FRMPD3: variants seen among roughly 807,000 people sequenced by gnomAD.
The protein encoded by FRMPD3 is FERM and PDZ domain containing 3, also known as FERM and PDZ domain-containing protein 3.
FRMPD3 carries 42 observed loss-of-function variants against 97.9 expected under a neutral mutation model. That is an observed-to-expected ratio of 0.43 (90% CI 0.34 to 0.55). FRMPD3 has a LOEUF of 0.55. Among genes scored for constraint, FRMPD3 ranks in the 20% least tolerant of loss-of-function variants. The probability of loss-of-function intolerance (pLI) is 0.03; values close to 1 mark genes in which losing one functional copy is unlikely to be tolerated. For missense variants in FRMPD3, 1,303 were observed against 1,457.7 expected, an observed-to-expected ratio of 0.89 and a Z score of 1.73; for synonymous variants, 577 against 581.1, an observed-to-expected ratio of 0.99 and a Z score of 0.10.
At position 107,453,661 on chromosome X, in the gene FRMPD3, G is replaced by T. The variant is rs758035632; in HGVS notation, c.-8+3656G>T. Among the ~76,000 whole-genome samples, 5 of 112,059 alleles carry T rather than the reference G, an allele frequency of 4.5e-5. No individual in the cohort carries two copies. In the East Asian group the frequency reaches 1.1e-3, roughly 25 times the overall value. On this transcript the variant is annotated intron_variant, in intron 1 of 14. Transcript: ENST00000683843. ...GAAATCCTGGGGCTAGGGGCAAAGG[G>T]GTAGGGTAGGGAGCAAATCCAGAGA...
intron 1 of FRMPD3, among the ~76,000 whole-genome samples, chrX:107,490,212 G>C (rs1394910157): frequency 1.8e-5 from 2 of 112,036 alleles, no homozygotes; most frequent in South Asian, 3.8e-4. Context: ...TGTTTTGGTA[G>C]CACTACCATG....
intron 1 of FRMPD3, among the ~76,000 whole-genome samples, 178 bp from the exon 2 acceptor site, chrX:107,526,403 CT>C (rs905912068): frequency 9.0e-6 from 1 of 111,494 alleles, no homozygotes; most frequent in African/African-American, 3.3e-5. Flanking sequence ...CTAGATTTCT[CT>C]TTCTCCAATC....
chrX:107,601,719 G>A lies in FRMPD3; in HGVS notation c.3680G>A (p.Arg1227His), dbSNP rs778726589. 2.5e-6 allele frequency: 3 copies of A among 1,209,705 alleles called. No homozygotes were observed. Among genetic ancestry groups the A allele is most frequent in the Admixed American group, 2.2e-5 (1 of 45,903 alleles). ...RNLFSATFPTRQKKETDERQA... is the reference protein window; with the variant it reads ...RNLFSATFPTHQKKETDERQA... ...TTATTCTCTGCCACCTTCCCAACCC[G>A]CCAGAAGAAGGAGACAGATGAGCGG... The change falls in exon 15 of 15, where the codon CGC becomes CAC. Residue 1227 changes from arginine to histidine, a missense_variant. Coordinates refer to ENST00000683843, the MANE Select transcript of FRMPD3 (RefSeq NM_001388459.1).
chrX:107,489,507 G>C (rs951219994), intron 1 of FRMPD3, among the ~76,000 whole-genome samples: 2 of 111,532 alleles, frequency 1.8e-5, no homozygotes, highest in Non-Finnish European at 3.8e-5. Context: ...GTTGTTTCCT[G>C]ACTTTTTAAT....
Position 107,551,268 on chromosome X carries a change from C to T in FRMPD3, c.510+1112C>T, listed in dbSNP as rs761462436. Among the ~76,000 whole-genome samples the T allele has an allele frequency of 1.9e-3, 210 of 110,935 alleles. 1 individual carries two copies. The highest frequency in any genetic ancestry group is 6.5e-3 in the African/African-American group (199 of 30,473). The stretch of plus-strand genomic sequence containing the variant: ...TCCCCCAGGGGACCTAGGACCAAAA[C>T]ATACTACTTAGGGTGCCATAGAATG... On this transcript the variant is annotated intron_variant, in intron 6 of 14. Transcript: ENST00000683843.
chrX:107,450,614 A>C (rs1019708364), intron 1 of FRMPD3, among the ~76,000 whole-genome samples: 4 of 109,084 alleles, frequency 3.7e-5, no homozygotes, highest in East Asian at 2.9e-4. Flanking sequence ...AGAGAGAGAG[A>C]GAGAGCGCGA....
At chrX:107,524,768 G>A (rs1922625760) in intron 1 of FRMPD3, among the ~76,000 whole-genome samples, 1 of 111,037 alleles carries the variant, frequency 9.0e-6, no homozygotes, top group Non-Finnish European at 1.9e-5. Context: ...CGAGGCGGGT[G>A]GATCGCCTGA....
At chrX:107,494,922 A>G (rs747509225) in intron 1 of FRMPD3, among the ~76,000 whole-genome samples, 3 of 112,060 alleles carry the variant, frequency 2.7e-5, no homozygotes, top group Admixed American at 9.5e-5. Context: ...AGAGACAAAA[A>G]GGAAGGACTA....
chrX:107,474,372 G>A lies in FRMPD3; in HGVS notation c.-8+24367G>A, dbSNP rs190216077. Among the ~76,000 whole-genome samples the A allele has an allele frequency of 7.2e-5, 8 of 111,411 alleles. No individual in the cohort carries two copies. In the East Asian group the frequency reaches 2.3e-3, roughly 31 times the overall value. Reference sequence around the variant, plus strand: ...TCTAGAGAGAGGGAGGCTAGGTGAAGAATATGCACGCCTGAGAGGTGGAAG... The same window carrying A: ...TCTAGAGAGAGGGAGGCTAGGTGAAAAATATGCACGCCTGAGAGGTGGAAG... On this transcript the variant is annotated intron_variant, in intron 1 of 14. Coordinates refer to ENST00000683843, the MANE Select transcript of FRMPD3 (RefSeq NM_001388459.1).
chrX:107,508,178 T>C (rs1037448045), intron 1 of FRMPD3, among the ~76,000 whole-genome samples: 1 of 112,115 alleles, frequency 8.9e-6, no homozygotes, highest in Non-Finnish European at 1.9e-5. Context: ...TGTTAACTAC[T>C]AGAAATATGA....
intron 1 of FRMPD3, among the ~76,000 whole-genome samples, chrX:107,457,671 A>C (rs1931400123): frequency 8.9e-6 from 1 of 111,922 alleles, no homozygotes. Context: ...CAAAGTCAAA[A>C]ATTGCCTAAA....
chrX:107,596,339 A>G (rs763832804), intron 13 of FRMPD3, among the ~76,000 whole-genome samples: 7 of 112,275 alleles, frequency 6.2e-5, no homozygotes, highest in Non-Finnish European at 7.5e-5. Context: ...AATGATAATA[A>G]CTACCTCATT....
rs1235847206 is a variant in FRMPD3, at chrX:107,547,231, G to A, written c.402+1390G>A. 3.2e-4 allele frequency among the ~76,000 whole-genome samples: 36 copies of A among 111,773 alleles called. No individual in the cohort carries two copies. In the Admixed American group the frequency reaches 3.4e-3, roughly 11 times the overall value. ...ATGCTTGAAAACCCAGAGGACGTAT[G>A]ACTTGGATTTGGTAAGTATGAACAG... On this transcript the variant is annotated intron_variant, in intron 5 of 14. Coordinates refer to ENST00000683843, the MANE Select transcript of FRMPD3 (RefSeq NM_001388459.1).
chrX:107,586,790 T>C (rs1602852380), intron 13 of FRMPD3, among the ~76,000 whole-genome samples: 1 of 112,308 alleles, frequency 8.9e-6, no homozygotes, highest in African/African-American at 3.2e-5. Context: ...TAGTTCTAAT[T>C]TGATTGCACT....
At chrX:107,551,813 C>T (rs1921876760) in intron 6 of FRMPD3, among the ~76,000 whole-genome samples, 1 of 112,738 alleles carries the variant, frequency 8.9e-6, no homozygotes, top group African/African-American at 3.2e-5. Flanking sequence ...GCTCCAGCAA[C>T]ACTGGCGCCT....
intron 12 of FRMPD3, among the ~76,000 whole-genome samples, chrX:107,572,513 G>A (rs1449514243): frequency 9.0e-6 from 1 of 111,447 alleles, no homozygotes; most frequent in Non-Finnish European, 1.9e-5. Flanking sequence ...TGAGACGGGT[G>A]GATCACTGAA....
intron 1 of FRMPD3, among the ~76,000 whole-genome samples, chrX:107,461,051 T>A (rs965635501): frequency 1.8e-5 from 2 of 111,749 alleles, no homozygotes; most frequent in Non-Finnish European, 3.8e-5. Context: ...CAAACCAGCA[T>A]TGGCTGTTGG....
At chrX:107,489,658 T>C (rs1156452684) in intron 1 of FRMPD3, among the ~76,000 whole-genome samples, 2 of 112,448 alleles carry the variant, frequency 1.8e-5, no homozygotes, top group African/African-American at 6.5e-5. Flanking sequence ...TCTGTTCATA[T>C]CCTTTGCCCA....
intron 8 of FRMPD3, among the ~76,000 whole-genome samples, chrX:107,559,781 C>G (rs754729707): frequency 1.8e-5 from 2 of 110,979 alleles, no homozygotes; most frequent in Non-Finnish European, 3.8e-5. Flanking sequence ...ATGCCTCCCC[C>G]ATCCCTGCAA....
Sources: gnomAD v4.1 joint callset for allele counts (sites outside exome capture counted in the v4.1 genomes callset) on GRCh38, gnomAD v4.1.1 for gene constraint, MANE v1.5 for transcripts, NCBI Gene and HGNC (gene_info 2026-07-23, HGNC 2026-07-21) for gene names.